The following TRIM29 variants were observed in gnomAD, a reference collection of about 807,000 sequenced individuals.
TRIM29 encodes tripartite motif containing 29, also known as tripartite motif-containing protein 29.
Under a neutral mutation model 57.3 loss-of-function variants are expected in TRIM29, and 52 were observed. The observed-to-expected ratio is 0.91, with a 90% confidence interval of 0.73 to 1.14. The LOEUF is 1.14. Ranked by LOEUF, TRIM29 falls within the 50% of genes most tolerant of loss-of-function variation. TRIM29 has a pLI of 0.00. For missense variants in TRIM29, 753 were observed against 774.6 expected (o/e 0.97, Z 0.33); for synonymous variants, 319 against 316.9 (o/e 1.01, Z -0.07).
At chr11:120,129,799 C>T (rs769329162) in intron 1 of TRIM29, among the ~76,000 whole-genome samples, 6 of 152,144 alleles carry the variant, frequency 3.9e-5, no homozygotes, top group Admixed American at 6.5e-5. Context: ...CCCAGAGAGT[C>T]CTTGAATCCC....
At chr11:120,132,423 C>A (rs1863739442) in intron 1 of TRIM29, among the ~76,000 whole-genome samples, 1 of 152,202 alleles carries the variant, frequency 6.6e-6, no homozygotes, top group Non-Finnish European at 1.5e-5. Context: ...CTAAATGACT[C>A]CTTTGTTCCC....
In TRIM29 at chr11:120,137,694, GC is replaced by G; in HGVS notation, c.337del (p.Ala113LeufsTer146). ...RSPYAGLQLG[A>X]AKKPPVTFAE... ...AAAGGTAACGGGTGGCTTCTTGGCA[GC>G]CCCCAGCTGGAGCCCTGCGTACGGC... On this transcript the variant is annotated frameshift_variant, in exon 1 of 9. Coordinates refer to ENST00000341846, the MANE Select transcript of TRIM29 (RefSeq NM_012101.4). LOFTEE classifies it high-confidence loss of function. The surrounding 1 kb of genome is among the most constrained non-coding windows in gnomAD (Gnocchi z 6.2). 1.2e-6 allele frequency: 2 copies of G among 1,613,354 alleles called. No homozygotes were observed.
At chr11:120,123,208 C>A (rs1304677478) in intron 4 of TRIM29, 153 bp from the exon 5 acceptor site, 1 of 717,514 alleles carries the variant, frequency 1.4e-6, no homozygotes, top group Non-Finnish European at 2.5e-6. Context: ...GAATATGACG[C>A]CCTGCCCAGC....
At chr11:120,115,275 G>T in intron 8 of TRIM29, 63 bp downstream of exon 8, 1 of 1,536,922 alleles carries the variant, frequency 6.5e-7, no homozygotes, top group Non-Finnish European at 8.9e-7. Flanking sequence ...TGCCTCCAGG[G>T]AGCCCCCTTC....
At chr11:120,116,953 A>G in intron 7 of TRIM29, 1 of 404,954 alleles carries the variant, frequency 2.5e-6, no homozygotes, top group Non-Finnish European at 4.9e-6. Context: ...GAAAATGGGC[A>G]GATACCGGGA....
intron 8 of TRIM29, among the ~76,000 whole-genome samples, chr11:120,114,065 G>A (rs1346028458): frequency 1.3e-5 from 2 of 152,092 alleles, no homozygotes; most frequent in Non-Finnish European, 2.9e-5. Flanking sequence ...AAGTCAATGA[G>A]ACAGCTGGGG....
chr11:120,115,284 T>C (rs749746408), intron 8 of TRIM29, 54 bp downstream of exon 8: 2 of 1,573,342 alleles, frequency 1.3e-6, no homozygotes, highest in Non-Finnish European at 1.7e-6. Context: ...GGAGCCCCCT[T>C]CAGTGCCCAG....
In TRIM29 at chr11:120,118,340, G is replaced by A; in HGVS notation, c.1529-19C>T. 6.3e-7 allele frequency: 1 copy of A among 1,593,278 alleles called. No homozygotes were observed. The highest frequency in any genetic ancestry group is 8.6e-7 in the Non-Finnish European group (1 of 1,164,592). Reference sequence around the variant, plus strand: ...TAGTTACCTGGCAGGACAAAGAAGGGCTGTCAGGCCCCCACAGCTGGGAGT... The same window carrying A: ...TAGTTACCTGGCAGGACAAAGAAGGACTGTCAGGCCCCCACAGCTGGGAGT... On this transcript the variant is annotated intron_variant, in intron 6 of 8. Transcript: ENST00000341846.
chr11:120,112,083 T>C lies in TRIM29; in HGVS notation c.*331A>G, dbSNP rs1437557617. 6 of 342,308 alleles carry C rather than the reference T, an allele frequency of 1.8e-5. No homozygotes were observed. Among genetic ancestry groups the C allele is most frequent in the Admixed American group, 1.4e-4 (3 of 21,182 alleles). 21.2% of individuals were successfully genotyped at this position (342,308 alleles called of 1,614,324 possible). On this transcript the variant is annotated 3_prime_UTR_variant, in exon 9 of 9. Transcript: ENST00000341846. ...AGGCTGATACCATGCGGGTACTCAC[T>C]GCTAGCCCCCAGATCCAGCCCGAGA...
At chr11:120,119,226 TG>T (rs1213179074) in intron 6 of TRIM29, among the ~76,000 whole-genome samples, 1 of 151,690 alleles carries the variant, frequency 6.6e-6, no homozygotes, top group African/African-American at 2.4e-5. Context: ...GGCACTGGAG[TG>T]GGGGGCTCAG....
chr11:120,128,815 T>C (rs1863657993), intron 1 of TRIM29: 3 of 1,526,568 alleles, frequency 2.0e-6, no homozygotes, highest in Non-Finnish European at 1.8e-6. Flanking sequence ...GAAACTCATT[T>C]ACAGGGTGCT....
chr11:120,122,958 G>T lies in TRIM29; in HGVS notation c.1431C>A (p.Pro477=), dbSNP rs766575244. ...GGGTGAGGGGCTCCCTCTTACCTTT[G>T]GGTGTCAGGTACATGGAGTATCTCT... is the stretch of plus-strand genomic sequence containing the variant. ...TMKRYSMYLT[P]KGGVRTSYQP... is the part of the protein sequence containing the mutation. Residue 477 remains proline, a synonymous_variant, in exon 5 of 9, where the codon CCC becomes CCA. Transcript: ENST00000341846. 1 of 1,613,670 alleles carries T rather than the reference G, an allele frequency of 6.2e-7. No individual in the cohort carries two copies. The highest frequency in any genetic ancestry group is 8.5e-7 in the Non-Finnish European group (1 of 1,179,660).
intron 1 of TRIM29, among the ~76,000 whole-genome samples, chr11:120,131,157 A>G (rs1863714790): frequency 6.6e-6 from 1 of 152,168 alleles, no homozygotes; most frequent in African/African-American, 2.4e-5. Flanking sequence ...TGGAGTGAGC[A>G]GAAGTGCACA....
Position 120,137,334 on chromosome 11 carries a change from T to A in TRIM29, c.698A>T (p.Glu233Val), listed in dbSNP as rs373115575. The change falls in exon 1 of 9, where the codon GAG becomes GTG. Residue 233 changes from glutamate to valine, a missense_variant. By Grantham distance (121) the Glu-to-Val change is moderately radical (BLOSUM62 -2). Coordinates refer to ENST00000341846, the MANE Select transcript of TRIM29 (RefSeq NM_012101.4). The surrounding 1 kb of genome is among the most constrained non-coding windows in gnomAD (Gnocchi z 6.2). ...GGTCTGGTCGGTCTGGCAGAAGAGC[T>A]CCATCGTCTTGCCATGCACGGGACA... ...RKCPVHGKTM[E>V]LFCQTDQTCI... The A allele has an allele frequency of 1.9e-6, 3 of 1,613,856 alleles. No homozygotes were observed. In the African/African-American group the frequency reaches 4.0e-5, roughly 22 times the overall value.
chr11:120,115,034 C>T (rs908252119), intron 8 of TRIM29, among the ~76,000 whole-genome samples: 1 of 152,206 alleles, frequency 6.6e-6, no homozygotes, highest in African/African-American at 2.4e-5. Flanking sequence ...CCCAAGCTGC[C>T]ATTCCACTAG....
rs756440892 is a variant in TRIM29 at position 120,120,611 on chromosome 11, G to A, written c.1490C>T (p.Thr497Ile). 1 of 1,613,710 alleles carries A rather than the reference G, an allele frequency of 6.2e-7. No homozygotes were observed. Among genetic ancestry groups the A allele is most frequent in the Non-Finnish European group, 8.5e-7 (1 of 1,180,000 alleles). The change falls in exon 6 of 9, where the codon ACC (threonine) becomes ATC (isoleucine). Residue 497 changes from threonine to isoleucine, a missense_variant. Transcript: ENST00000341846. ...PSSPGRFTKE[T>I]TQKNFNNLYG... The stretch of plus-strand genomic sequence containing the variant: ...GAGATTGTTGAAATTCTTCTGGGTG[G>A]TCTCCTTGGTGAAGCGGCCAGGAGA...
intron 6 of TRIM29, 96 bp from the exon 7 acceptor site, chr11:120,118,417 T>C (rs1300514042): frequency 9.2e-6 from 8 of 867,100 alleles, no homozygotes; most frequent in East Asian, 2.7e-5. Context: ...CTCTAGCCGC[T>C]GGCCACAACT....
intron 1 of TRIM29, among the ~76,000 whole-genome samples, chr11:120,134,605 C>T (rs1863782512): frequency 6.6e-6 from 1 of 152,236 alleles, no homozygotes; most frequent in Non-Finnish European, 1.5e-5. Context: ...GGCTCCACTT[C>T]TCCCCGCCTA....
chr11:120,120,482 A>G, intron 6 of TRIM29, 91 bp downstream of exon 6: 1 of 1,193,652 alleles, frequency 8.4e-7, no homozygotes, highest in South Asian at 1.4e-5. Flanking sequence ...CTGGGGTCCC[A>G]GCCCTGTGCC....
Sources: allele counts gnomAD v4.1 joint callset (sites outside exome capture counted in the v4.1 genomes callset), GRCh38; gene constraint gnomAD v4.1.1; non-coding constraint Gnocchi (gnomAD v3.1); transcripts MANE v1.5; gene names NCBI Gene and HGNC (gene_info 2026-07-23, HGNC 2026-07-21).